MDGA1: variants seen among roughly 807,000 people sequenced by gnomAD.
The protein encoded by MDGA1 is MAM domain containing glycosylphosphatidylinositol anchor 1.
Under a neutral mutation model 101.5 loss-of-function variants are expected in MDGA1, and 54 were observed. The ratio of observed to expected loss-of-function variants is 0.53; its 90% CI spans 0.43 to 0.67. The LOEUF (loss-of-function observed/expected upper bound fraction) is 0.67, where lower values mean the gene tolerates loss of function less well. Ranked by LOEUF, MDGA1 falls within the 30% of genes least tolerant of loss-of-function variation. MDGA1 has a pLI of 0.00. For missense variants in MDGA1, 1,083 were observed against 1,323.8 expected, an observed-to-expected ratio of 0.82 and a Z score of 2.82; for synonymous variants, 533 against 558.3, an observed-to-expected ratio of 0.95 and a Z score of 0.64.
At position 37,652,617 on chromosome 6, in the gene MDGA1, A is replaced by G. The variant is rs1315995532; in HGVS notation, c.983-277T>C. Among the ~76,000 whole-genome samples the G allele has an allele frequency of 5.9e-5, 9 of 152,244 alleles. No individual in the cohort carries two copies. The South Asian group carries it at 8.3e-4, about 14-fold the overall frequency. ...AGAGGCACTGTTCCAAGCACTTAACATGGATTTACTAGTTTAACCCATCCC... is the reference window on the plus strand; with the variant it reads ...AGAGGCACTGTTCCAAGCACTTAACGTGGATTTACTAGTTTAACCCATCCC... On this transcript the variant is annotated intron_variant, in intron 6 of 16. Coordinates refer to ENST00000434837, the MANE Select transcript of MDGA1 (RefSeq NM_153487.4). This position sits in a 1 kb window ranked among gnomAD's most constrained non-coding sequence, Gnocchi z 4.3.
chr6:37,654,585 G>A, intron 5 of MDGA1, 42 bp from the exon 6 acceptor site: 1 of 1,613,618 alleles, frequency 6.2e-7, no homozygotes, highest in Non-Finnish European at 8.5e-7. Flanking sequence ...CTGTGAGGCA[G>A]GGCTGGATGT....
In MDGA1 at chr6:37,637,342, T is replaced by C. The variant is rs934822161; in HGVS notation, c.*26A>G. 2.0e-6 allele frequency: 3 copies of C among 1,523,896 alleles called. No individual in the cohort carries two copies. The highest frequency in any genetic ancestry group is 2.7e-6 in the Non-Finnish European group (3 of 1,109,424). The allele number at this position is 1,523,896 out of a possible 1,614,324, so 94.4% of individuals were successfully genotyped here. On this transcript the variant is annotated 3_prime_UTR_variant, in exon 17 of 17. Transcript: ENST00000434837. ...ACACTTTGGTGTGCCGGGGGCAAGG[T>C]TGGGGGGGTGGCCACACAGCTCTCA... is the stretch of plus-strand genomic sequence containing the variant.
At chr6:37,679,379 G>A (rs1428623718) in intron 1 of MDGA1, among the ~76,000 whole-genome samples, 1 of 152,116 alleles carries the variant, frequency 6.6e-6, no homozygotes, top group Non-Finnish European at 1.5e-5. Flanking sequence ...AGGAAAATGG[G>A]GTCTGGAATG....
At chr6:37,665,210 C>CA (rs1251386097) in intron 1 of MDGA1, among the ~76,000 whole-genome samples, 1 of 152,154 alleles carries the variant, frequency 6.6e-6, no homozygotes, top group Non-Finnish European at 1.5e-5. Context: ...TCCCAGCCCC[C>CA]CAGTGCTTAA....
At chr6:37,668,197 G>A (rs115426005) in intron 1 of MDGA1, among the ~76,000 whole-genome samples, 16,976 of 150,520 alleles carry the variant, frequency 0.11, 1,118 homozygotes, top group Middle Eastern at 0.21. Flanking sequence ...GCTGCAATGA[G>A]CTATGATCAT....
At position 37,669,037 on chromosome 6, in the gene MDGA1, G is replaced by A. The variant is rs151184266; in HGVS notation, c.68-4931C>T. Among the ~76,000 whole-genome samples the A allele has an allele frequency of 9.5e-3, 1,438 of 152,160 alleles. 23 individuals carry two copies. The highest frequency in any genetic ancestry group is 0.032 in the African/African-American group (1,330 of 41,508). On this transcript the variant is annotated intron_variant, in intron 1 of 16. Transcript: ENST00000434837. ...TAATTTTTGTATTTTTAGTAGAGAC[G>A]GGTTTTCACCGTGTTGGCCAGGCTG...
intron 9 of MDGA1, among the ~76,000 whole-genome samples, chr6:37,647,547 T>C (rs1761237473): frequency 1.4e-5 from 2 of 146,880 alleles, no homozygotes; most frequent in African/African-American, 2.5e-5. Flanking sequence ...GACAGGGAGA[T>C]TGGAAATTCC....
At chr6:37,658,535 T>C in intron 2 of MDGA1, 116 bp from the exon 3 acceptor site, 2 of 1,095,716 alleles carry the variant, frequency 1.8e-6, no homozygotes, top group Admixed American at 4.6e-5. Context: ...CAAGCGCACG[T>C]GGGGCACACG....
rs751341337 is a variant in MDGA1, at chr6:37,664,076, C to T, written c.98G>A (p.Gly33Asp). 1 of 1,613,800 alleles carries T rather than the reference C, an allele frequency of 6.2e-7. No individual in the cohort carries two copies. Among genetic ancestry groups the T allele is most frequent in the African/African-American group, 1.3e-5 (1 of 74,902 alleles). The change falls in exon 2 of 17, where the codon GGC (glycine) becomes GAC (aspartate). Residue 33 changes from glycine (G) to aspartate (D), a missense_variant. Around this residue, in one of 3 missense-constraint regions of MDGA1, gnomAD observed 310 missense variants for 355.9 expected, o/e 0.87. Transcript: ENST00000434837. ...GTCCTCTTTCACCACACATGCCTGG[C>T]CCGCATGCACGATCTGCGCCTGGGC... ...APAQAQIVHA[G>D]QACVVKEDNI...
Position 37,696,578 on chromosome 6 carries a change from AAGCAGCTAGCTCG to A in MDGA1, c.67+154_67+166del. 6.6e-6 allele frequency among the ~76,000 whole-genome samples: 1 copy of A among 151,718 alleles called. No individual in the cohort carries two copies. Among genetic ancestry groups the A allele is most frequent in the Non-Finnish European group, 1.5e-5 (1 of 67,908 alleles). On this transcript the variant is annotated intron_variant, in intron 1 of 16. Coordinates refer to ENST00000434837, the MANE Select transcript of MDGA1 (RefSeq NM_153487.4). The surrounding 1 kb of genome is among the most constrained non-coding windows in gnomAD (Gnocchi z 5.6). ...CCCTACGACCGGCCCCTGTGTTCCG[AAGCAGCTAGCTCG>A]GTCTCCACGCGCCCTGGAGAGGGCG...
Position 37,668,839 on chromosome 6 carries a change from TTC to T in MDGA1, c.68-4735_68-4734del, listed in dbSNP as rs369039755. On this transcript the variant is annotated intron_variant, in intron 1 of 16. Coordinates refer to ENST00000434837, the MANE Select transcript of MDGA1 (RefSeq NM_153487.4). ...ACAAGAGAACTAACTTTTTCTCTCT[TTC>T]TCTCTCTCTCTCTCTTTCTTTTTTG... Among the ~76,000 whole-genome samples the T allele has an allele frequency of 9.2e-3, 1,399 of 151,252 alleles. 28 individuals are homozygous for T. Among genetic ancestry groups the T allele is most frequent in the African/African-American group, 0.032 (1,340 of 41,320 alleles).
Position 37,697,384 on chromosome 6 carries a change from C to G in MDGA1, c.-573G>C, listed in dbSNP as rs1247652983. The G allele has an allele frequency of 6.6e-6, 1 of 152,082 alleles. No individual in the cohort carries two copies. 9.4% of individuals were successfully genotyped at this position (152,082 alleles called of 1,614,324 possible). ...CTCGCGGCGGCGAAGCAGCCCCGGG[C>G]CCGGCCCTCCTGATCCGGGGAGCAG... On this transcript the variant is annotated 5_prime_UTR_variant, in exon 1 of 17. Coordinates refer to ENST00000434837, the MANE Select transcript of MDGA1 (RefSeq NM_153487.4).
chr6:37,637,276 G>T lies in MDGA1; in HGVS notation c.*92C>A. The T allele has an allele frequency of 9.4e-7, 1 of 1,062,662 alleles. No individual in the cohort carries two copies. Among genetic ancestry groups the T allele is most frequent in the South Asian group, 1.4e-5 (1 of 69,622 alleles). The allele number at this position is 1,062,662 out of a possible 1,614,324, so 65.8% of individuals were successfully genotyped here. A position where few individuals can be genotyped will look rare whatever the true frequency, so the allele number is the denominator to read the frequency against. On this transcript the variant is annotated 3_prime_UTR_variant, in exon 17 of 17. Transcript: ENST00000434837. ...CCCTGGCGGGCCGGCCCTGCCCCTG[G>T]GCACCCCAGCTGGCGGGGGTCAGTC...
chr6:37,664,596 A>G (rs1307801226), intron 1 of MDGA1, among the ~76,000 whole-genome samples: 1 of 61,966 alleles, frequency 1.6e-5, no homozygotes, highest in Non-Finnish European at 3.4e-5. Context: ...CCTCTCCCCC[A>G]CAATACACAC....
At chr6:37,678,097 T>C (rs944222988) in intron 1 of MDGA1, among the ~76,000 whole-genome samples, 1 of 152,182 alleles carries the variant, frequency 6.6e-6, no homozygotes, top group African/African-American at 2.4e-5. Flanking sequence ...ATTCGCTTTA[T>C]GGCCCCTCCA....
intron 11 of MDGA1, 24 bp downstream of exon 11, chr6:37,646,174 C>T (rs779908859): frequency 4.5e-6 from 7 of 1,560,898 alleles, no homozygotes; most frequent in Non-Finnish European, 6.1e-6. Flanking sequence ...GCCCATCCTT[C>T]CTACCGCCAC....
At chr6:37,664,261 C>A in intron 1 of MDGA1, 155 bp from the exon 2 acceptor site, 1 of 881,112 alleles carries the variant, frequency 1.1e-6, no homozygotes, top group South Asian at 1.7e-5. Flanking sequence ...GGAAAGAATC[C>A]TCCCAGGACC....
chr6:37,690,521 G>A (rs1261680081), intron 1 of MDGA1, among the ~76,000 whole-genome samples: 1 of 152,318 alleles, frequency 6.6e-6, no homozygotes, highest in Non-Finnish European at 1.5e-5. Context: ...GCTCACGCCT[G>A]TAATCCCAGC....
chr6:37,683,954 AAC>A (rs1762146568), intron 1 of MDGA1, among the ~76,000 whole-genome samples: 1 of 152,170 alleles, frequency 6.6e-6, no homozygotes, highest in Non-Finnish European at 1.5e-5. Flanking sequence ...ACATGGCCAC[AAC>A]ACAGAGTCCA....
Sources: gnomAD v4.1 joint callset for allele counts (sites outside exome capture counted in the v4.1 genomes callset) on GRCh38, gnomAD v4.1.1 for gene constraint, gnomAD v4.1.1 regional missense constraint, Gnocchi (gnomAD v3.1) non-coding constraint, MANE v1.5 for transcripts, NCBI Gene and HGNC (gene_info 2026-07-23, HGNC 2026-07-21) for gene names.